Variants in MTHFD1L observed in about 807,000 individuals in gnomAD.
MTHFD1L encodes methylenetetrahydrofolate dehydrogenase (NADP+ dependent) 1 like.
A neutral mutation model predicts 119.5 loss-of-function variants in MTHFD1L; 81 were observed. The observed-to-expected ratio is 0.68, with a 90% confidence interval of 0.57 to 0.82. The LOEUF is 0.82. Among genes scored for constraint, MTHFD1L ranks in the 40% least tolerant of loss-of-function variants. The probability of loss-of-function intolerance (pLI) is 0.00; values close to 1 mark genes in which losing one functional copy is unlikely to be tolerated. For synonymous variants in MTHFD1L, 430 were observed against 475.2 expected (o/e 0.90, Z 1.24); for missense variants, 1,125 against 1,253.4 (o/e 0.90, Z 1.55).
intron 15 of MTHFD1L, among the ~76,000 whole-genome samples, chr6:150,946,952 G>A (rs559364466): frequency 1.3e-5 from 2 of 151,550 alleles, no homozygotes; most frequent in East Asian, 2.0e-4. Context: ...GCAGGCGCCT[G>A]TAGTCCCAGC....
At chr6:150,866,233 G>A (rs1179738441) in intron 1 of MTHFD1L, 184 bp downstream of exon 1, 2 of 1,392,610 alleles carry the variant, frequency 1.4e-6, no homozygotes, top group East Asian at 3.0e-5. Context: ...GGGAGCGCTG[G>A]CGGAGAACGG....
intron 11 of MTHFD1L, among the ~76,000 whole-genome samples, chr6:150,932,848 GAGAGTAATTAGATTACCTT>G (rs1791379025): frequency 1.9e-5 from 2 of 106,134 alleles, no homozygotes; most frequent in African/African-American, 4.9e-5. Context: ...GGAAGGGAGA[GAGAGTAATTAGATTACCTT>G]AAGGAAAGAA....
chr6:150,953,719 AT>A lies in MTHFD1L; in HGVS notation c.1727-2267del, dbSNP rs900865591. ...CTGATTCTAGTTGATCTTGCCAGACATTTTTTTTTCTTGTTTTCTCTTTGCT... is the reference window on the plus strand; with the variant it reads ...CTGATTCTAGTTGATCTTGCCAGACATTTTTTTTCTTGTTTTCTCTTTGCT... On this transcript the variant is annotated intron_variant, in intron 16 of 27. Transcript: ENST00000367321. 4.0e-5 allele frequency among the ~76,000 whole-genome samples: 6 copies of A among 151,490 alleles called. No individual in the cohort carries two copies. The East Asian group carries it at 5.8e-4, about 15-fold the overall frequency.
rs563771104 is a variant in MTHFD1L, at chr6:150,980,616, G to A, written c.2125+8558G>A. 4.0e-5 allele frequency among the ~76,000 whole-genome samples: 6 copies of A among 150,878 alleles called. No individual in the cohort carries two copies. In the East Asian group the frequency reaches 9.7e-4, roughly 24 times the overall value. Reference sequence around the variant, plus strand: ...CGTTTAGCTGGGCATGGTGGCGCATGCCTATAGTCCTAGCTACTTGGGAGT... The same window carrying A: ...CGTTTAGCTGGGCATGGTGGCGCATACCTATAGTCCTAGCTACTTGGGAGT... On this transcript the variant is annotated intron_variant, in intron 20 of 27. Transcript: ENST00000367321.
At chr6:150,876,345 T>G (rs559440723) in intron 2 of MTHFD1L, among the ~76,000 whole-genome samples, 171 bp downstream of exon 2, 57 of 152,328 alleles carry the variant, frequency 3.7e-4, no homozygotes, top group African/African-American at 1.1e-3. Context: ...AGTACTGCCC[T>G]GCTTGAGTGT....
intron 5 of MTHFD1L, among the ~76,000 whole-genome samples, chr6:150,885,324 T>A (rs1782068149): frequency 6.6e-6 from 1 of 151,926 alleles, no homozygotes; most frequent in Non-Finnish European, 1.5e-5. Flanking sequence ...AGCCCCCTAG[T>A]AGCTGGGATT....
chr6:150,918,747 T>G (rs1321486521), intron 9 of MTHFD1L, 79 bp downstream of exon 9: 21 of 1,162,366 alleles, frequency 1.8e-5, no homozygotes, highest in Non-Finnish European at 2.3e-5. Flanking sequence ...AAGTGGTTTC[T>G]GTTTACCAGG....
intron 10 of MTHFD1L, among the ~76,000 whole-genome samples, chr6:150,925,500 C>G (rs1789786403): frequency 6.6e-6 from 1 of 152,168 alleles, no homozygotes; most frequent in South Asian, 2.1e-4. Flanking sequence ...CTACAATTTC[C>G]TGTCTGAACT....
At chr6:151,003,608 A>T (rs1305395970) in intron 20 of MTHFD1L, among the ~76,000 whole-genome samples, 1 of 152,156 alleles carries the variant, frequency 6.6e-6, no homozygotes, top group Non-Finnish European at 1.5e-5. Context: ...CATCTTTGTC[A>T]TGTTAAAAAT....
At chr6:150,953,467 T>C (rs1418726760) in intron 16 of MTHFD1L, among the ~76,000 whole-genome samples, 2 of 152,234 alleles carry the variant, frequency 1.3e-5, no homozygotes, top group African/African-American at 4.8e-5. Flanking sequence ...GGCTCGGGAC[T>C]AGGCACAAGT....
chr6:151,061,914 A>T (rs73622440), intron 26 of MTHFD1L, among the ~76,000 whole-genome samples: 1 of 152,184 alleles, frequency 6.6e-6, no homozygotes, highest in African/African-American at 2.4e-5. Context: ...ACAAAATGAC[A>T]AAGTCAGGCA....
intron 24 of MTHFD1L, among the ~76,000 whole-genome samples, chr6:151,034,007 C>G (rs893090459): frequency 2.6e-5 from 4 of 151,910 alleles, no homozygotes; most frequent in African/African-American, 9.7e-5. Flanking sequence ...GAAACCCAGT[C>G]TCTACAAAAA....
At chr6:150,895,754 G>C (rs1784113220) in intron 7 of MTHFD1L, among the ~76,000 whole-genome samples, 1 of 151,990 alleles carries the variant, frequency 6.6e-6, no homozygotes, top group South Asian at 2.1e-4. Flanking sequence ...CATGTGAAAG[G>C]ATGACTTCTT....
chr6:150,869,602 C>T (rs1186947466), intron 1 of MTHFD1L, among the ~76,000 whole-genome samples: 2 of 152,114 alleles, frequency 1.3e-5, no homozygotes, highest in Non-Finnish European at 1.5e-5. Flanking sequence ...AGTGATCCTG[C>T]TGCCTCAGCC....
chr6:150,999,080 T>C (rs1430555144), intron 20 of MTHFD1L, among the ~76,000 whole-genome samples: 1 of 151,644 alleles, frequency 6.6e-6, no homozygotes, highest in Non-Finnish European at 1.5e-5. Context: ...TAGACAGGGG[T>C]CCCAACCCCA....
intron 13 of MTHFD1L, among the ~76,000 whole-genome samples, chr6:150,943,565 A>G (rs1352607247): frequency 6.6e-6 from 1 of 152,234 alleles, no homozygotes; most frequent in Non-Finnish European, 1.5e-5. Flanking sequence ...TTTTTTTAAT[A>G]AAAGGAAAAG....
At chr6:151,075,210 A>G (rs189232016) in intron 26 of MTHFD1L, among the ~76,000 whole-genome samples, 15 of 152,316 alleles carry the variant, frequency 9.8e-5, no homozygotes, top group Admixed American at 9.2e-4. Flanking sequence ...AATGCAAAGA[A>G]TGTCAGATTG....
chr6:150,869,584 T>C (rs1198971483), intron 1 of MTHFD1L, among the ~76,000 whole-genome samples: 1 of 152,176 alleles, frequency 6.6e-6, no homozygotes, highest in Admixed American at 6.5e-5. Flanking sequence ...CTCAAACTCC[T>C]GGGTTCAAGT....
intron 20 of MTHFD1L, among the ~76,000 whole-genome samples, chr6:150,986,878 T>C (rs1262977349): frequency 6.6e-6 from 1 of 152,130 alleles, no homozygotes; most frequent in African/African-American, 2.4e-5. Context: ...ATTTTTGTCA[T>C]TTTAGTAGAG....
Sources: allele counts gnomAD v4.1 joint callset (sites outside exome capture counted in the v4.1 genomes callset), GRCh38; gene constraint gnomAD v4.1.1; transcripts MANE v1.5; gene names NCBI Gene and HGNC (gene_info 2026-07-23, HGNC 2026-07-21).